The following SEPTIN2 variants were observed in gnomAD, a reference collection of about 807,000 sequenced individuals.
The protein encoded by SEPTIN2 is septin 2.
A neutral mutation model predicts 46.5 loss-of-function variants in SEPTIN2; 34 were observed. That is an observed-to-expected ratio of 0.73 (90% CI 0.56 to 0.97). The LOEUF (loss-of-function observed/expected upper bound fraction) is 0.97, where lower values mean the gene tolerates loss of function less well. SEPTIN2 is among the 50% of genes least tolerant of loss of function. The pLI is 0.00. For missense variants in SEPTIN2, 347 were observed against 448.4 expected (o/e 0.77, Z 2.04); for synonymous variants, 175 against 153.4 (o/e 1.14, Z -1.04).
chr2:241,345,768 G>A (rs1409313917), intron 9 of SEPTIN2, among the ~76,000 whole-genome samples: 2 of 152,074 alleles, frequency 1.3e-5, no homozygotes, highest in East Asian at 3.8e-4. Flanking sequence ...AGTTATAGGA[G>A]GCATGAATAT....
In SEPTIN2 at chr2:241,352,538, CATAAT is replaced by C. The variant is rs1398076048; in HGVS notation, c.*603_*607del. On this transcript the variant is annotated 3_prime_UTR_variant, in exon 13 of 13. Coordinates refer to ENST00000391971, the MANE Select transcript of SEPTIN2 (RefSeq NM_004404.5). The stretch of plus-strand genomic sequence containing the variant: ...GATTTTATCTGTTAACCAAATAAAA[CATAAT>C]AGAATTTCCTAATGAGATATATCTT... 1 of 152,588 alleles carries C rather than the reference CATAAT, an allele frequency of 6.6e-6. No individual in the cohort carries two copies. The highest frequency in any genetic ancestry group is 2.4e-5 in the African/African-American group (1 of 41,430). The allele number at this position is 152,588 out of a possible 1,614,324, so 9.5% of individuals were successfully genotyped here.
chr2:241,318,674 A>T (rs2149810272), intron 1 of SEPTIN2, among the ~76,000 whole-genome samples: 1 of 148,066 alleles, frequency 6.8e-6, no homozygotes, highest in East Asian at 2.0e-4. Flanking sequence ...GTATTCTAGA[A>T]TTTTTTTAAC....
chr2:241,318,687 G>C (rs1223101753), intron 1 of SEPTIN2, among the ~76,000 whole-genome samples: 2 of 150,854 alleles, frequency 1.3e-5, no homozygotes, highest in African/African-American at 2.4e-5. Context: ...TTTTTAACCA[G>C]AGTATTTGTA....
intron 3 of SEPTIN2, among the ~76,000 whole-genome samples, chr2:241,329,860 G>A (rs1420455141): frequency 2.0e-5 from 3 of 152,196 alleles, no homozygotes; most frequent in Non-Finnish European, 4.4e-5. Context: ...CTTCAAATAA[G>A]GAAGAGCAAC....
chr2:241,326,797 A>G (rs1390533945), intron 3 of SEPTIN2, among the ~76,000 whole-genome samples: 1 of 152,222 alleles, frequency 6.6e-6, no homozygotes, highest in Non-Finnish European at 1.5e-5. Context: ...CGTTTCAGAA[A>G]TATCCTCCAG....
At chr2:241,340,215 A>G (rs1027806228) in intron 7 of SEPTIN2, among the ~76,000 whole-genome samples, 5 of 152,128 alleles carry the variant, frequency 3.3e-5, no homozygotes, top group African/African-American at 1.2e-4. Context: ...ATTGTATCTC[A>G]TTTGAATTTG....
At chr2:241,345,873 T>C (rs142686422) in intron 9 of SEPTIN2, among the ~76,000 whole-genome samples, 2,054 of 152,326 alleles carry the variant, frequency 0.013, 23 homozygotes, top group Middle Eastern at 0.041. Context: ...TGCCATCCTG[T>C]GGTAGTGATG....
intron 5 of SEPTIN2, 53 bp downstream of exon 5, chr2:241,336,151 A>T: frequency 6.4e-7 from 1 of 1,553,226 alleles, no homozygotes; most frequent in South Asian, 1.2e-5. Flanking sequence ...TATACTTCAT[A>T]AATTTATAGA....
chr2:241,316,707 C>T (rs955420957), intron 1 of SEPTIN2: 24 of 489,718 alleles, frequency 4.9e-5, no homozygotes, highest in Admixed American at 8.2e-5. Context: ...GCTTTTTTAC[C>T]TTTTCGGTCT....
chr2:241,322,151 G>A (rs746377976), intron 1 of SEPTIN2, among the ~76,000 whole-genome samples: 2 of 152,150 alleles, frequency 1.3e-5, no homozygotes, highest in East Asian at 1.9e-4. Context: ...TGGGGGAGGG[G>A]AATCGAGAGG....
At chr2:241,329,104 G>GTTT (rs2078532716) in intron 3 of SEPTIN2, among the ~76,000 whole-genome samples, 2 of 152,122 alleles carry the variant, frequency 1.3e-5, no homozygotes, top group East Asian at 3.9e-4. Context: ...TTTTGTTGTT[G>GTTT]TTGTTGTTTT....
Position 241,351,980 on chromosome 2 carries a change from G to A in SEPTIN2, c.*43G>A, listed in dbSNP as rs1235771878. The A allele has an allele frequency of 6.6e-6, 1 of 152,456 alleles. No homozygotes were observed. Among genetic ancestry groups the A allele is most frequent in the Non-Finnish European group, 1.5e-5 (1 of 67,984 alleles). 9.4% of individuals were successfully genotyped at this position (152,456 alleles called of 1,614,324 possible). A position where few individuals can be genotyped will look rare whatever the true frequency, so the allele number is the denominator to read the frequency against. On this transcript the variant is annotated 3_prime_UTR_variant, in exon 13 of 13. Transcript: ENST00000391971. ...TCTTTTTTCTAGAAAACACTTTCCT[G>A]GATAAAAAAGAAAACATTCCAGATG...
intron 1 of SEPTIN2, among the ~76,000 whole-genome samples, chr2:241,320,786 T>C (rs2077007636): frequency 1.3e-5 from 2 of 152,090 alleles, no homozygotes; most frequent in South Asian, 4.1e-4. Flanking sequence ...CAAAACTCCA[T>C]CTCAAAAAAC....
intron 12 of SEPTIN2, 127 bp downstream of exon 12, chr2:241,350,330 TAAAC>T (rs1468135154): frequency 2.5e-5 from 11 of 441,964 alleles, no homozygotes; most frequent in South Asian, 7.3e-5. Flanking sequence ...TCACTAATCT[TAAAC>T]AAGGAGAGAT....
chr2:241,337,838 C>A, intron 7 of SEPTIN2, 48 bp downstream of exon 7: 1 of 1,315,942 alleles, frequency 7.6e-7, no homozygotes, highest in Non-Finnish European at 1.1e-6. Context: ...GACTCGGGGG[C>A]ATGGGGATGA....
intron 7 of SEPTIN2, among the ~76,000 whole-genome samples, chr2:241,339,238 C>A (rs1444915499): frequency 6.6e-6 from 1 of 150,864 alleles, no homozygotes; most frequent in Admixed American, 6.7e-5. Flanking sequence ...TAAAAAATTA[C>A]AAAAGTTAGC....
chr2:241,333,293 C>T (rs894735476), intron 3 of SEPTIN2, among the ~76,000 whole-genome samples: 16 of 152,102 alleles, frequency 1.1e-4, no homozygotes, highest in African/African-American at 2.4e-5. Flanking sequence ...AGAGGAAAGG[C>T]AGTTTTTAAA....
chr2:241,346,038 C>T, intron 9 of SEPTIN2, 128 bp from the exon 10 acceptor site: 1 of 628,826 alleles, frequency 1.6e-6, no homozygotes, highest in Non-Finnish European at 2.9e-6. Context: ...ATCCCAGCAG[C>T]TTTATGTACA....
In SEPTIN2 at chr2:241,348,146, T is replaced by G. The variant is rs747625115; in HGVS notation, c.939T>G (p.Asn313Lys). 2.5e-6 allele frequency: 4 copies of G among 1,612,574 alleles called. No individual in the cohort carries two copies. Among genetic ancestry groups the G allele is most frequent in the Non-Finnish European group, 3.4e-6 (4 of 1,179,310 alleles). The change falls in exon 11 of 13, where the codon AAT (asparagine) becomes AAG (lysine). Residue 313 changes from asparagine (N) to lysine (K), a missense_variant. Transcript: ENST00000391971. ...RLKRGGRKVE[N>K]EDMNKDQILL... is the part of the protein sequence containing the mutation. ...TTTCGATTCTTAGGAAAGTGGAGAA[T>G]GAGGACATGAATAAAGACCAGATCT... is the stretch of plus-strand genomic sequence containing the variant.
Sources: allele counts gnomAD v4.1 joint callset (sites outside exome capture counted in the v4.1 genomes callset), GRCh38; gene constraint gnomAD v4.1.1; transcripts MANE v1.5; gene names NCBI Gene and HGNC (gene_info 2026-07-23, HGNC 2026-07-21).